Variants in CRACR2A observed in about 807,000 individuals in gnomAD.
The protein encoded by CRACR2A is EF-hand calcium-binding domain-containing protein 4B.
A neutral mutation model predicts 90.5 loss-of-function variants in CRACR2A; 79 were observed. The observed-to-expected ratio is 0.87, with a 90% CI of 0.73 to 1.05. The LOEUF (loss-of-function observed/expected upper bound fraction) is 1.05. Among genes scored for constraint, CRACR2A ranks in the 50% least tolerant of loss-of-function variants. CRACR2A has a pLI of 0.00. For missense variants in CRACR2A, 823 were observed against 897.2 expected, an observed-to-expected ratio of 0.92 and a Z score of 1.06; for synonymous variants, 338 against 356.7, an observed-to-expected ratio of 0.95 and a Z score of 0.59.
intron 3 of CRACR2A, among the ~76,000 whole-genome samples, chr12:3,709,094 G>C (rs571042038): frequency 6.6e-6 from 1 of 152,332 alleles, no homozygotes; most frequent in African/African-American, 2.4e-5. Flanking sequence ...TGACAATCTA[G>C]CAGGGGACAA....
intron 3 of CRACR2A, among the ~76,000 whole-genome samples, chr12:3,703,017 C>A (rs1035979593): frequency 1.3e-5 from 2 of 152,154 alleles, no homozygotes; most frequent in African/African-American, 4.8e-5. Context: ...GGCAAAGATG[C>A]AAGGCAATTC....
chr12:3,621,648 C>CAAAAAAAAAAAAAA lies in CRACR2A; in HGVS notation c.1933-2290_1933-2277dup, dbSNP rs557648607. On this transcript the variant is annotated intron_variant, in intron 17 of 19. Coordinates refer to ENST00000440314, the MANE Select transcript of CRACR2A (RefSeq NM_001144958.2). ...CCTCAGTGACAGAGAGAGACTCTGT[C>CAAAAAAAAAAAAAA]AAAAAAAAAAAAAAAAAAAAAAAAA... 3.4e-3 allele frequency among the ~76,000 whole-genome samples: 49 copies of CAAAAAAAAAAAAAA among 14,584 alleles called. 9 individuals carry two copies. Among genetic ancestry groups the CAAAAAAAAAAAAAA allele is most frequent in the African/African-American group, 6.1e-3 (23 of 3,772 alleles). 9.6% of individuals were successfully genotyped at this position (14,584 alleles called of 152,430 possible).
intron 7 of CRACR2A, among the ~76,000 whole-genome samples, chr12:3,660,716 A>G (rs985912292): frequency 2.6e-5 from 4 of 152,084 alleles, no homozygotes; most frequent in Admixed American, 1.3e-4. Context: ...CTGACCATGC[A>G]GTGAAAGACC....
rs186017789 is a variant in CRACR2A, at chr12:3,623,520, A to G, written c.1932+3916T>C. Among the ~76,000 whole-genome samples the G allele has an allele frequency of 3.8e-3, 578 of 152,252 alleles. 3 individuals are homozygous for G. Among genetic ancestry groups the G allele is most frequent in the Non-Finnish European group, 6.6e-3 (448 of 68,016 alleles). On this transcript the variant is annotated intron_variant, in intron 17 of 19. Transcript: ENST00000440314. ...CTAATTTCTATTTTCTCTACCCGAC[A>G]CAGGCCCCAGAGTCTTCTGATGTCC...
rs1388601220 is a variant in CRACR2A, at chr12:3,676,846, C to T, written c.524+2069G>A. Among the ~76,000 whole-genome samples, 3 of 152,216 alleles carry T rather than the reference C, an allele frequency of 2.0e-5. No homozygotes were observed. The East Asian group carries it at 5.8e-4, about 29-fold the overall frequency. ...TTGCCAGCCCAGGTCTGTCTGTCCA[C>T]ACCTGCCAGGTTCCTGATGGAGCCA... On this transcript the variant is annotated intron_variant, in intron 6 of 19. Coordinates refer to ENST00000440314, the MANE Select transcript of CRACR2A (RefSeq NM_001144958.2).
chr12:3,714,002 A>G (rs1272132518), intron 2 of CRACR2A, among the ~76,000 whole-genome samples: 3 of 152,204 alleles, frequency 2.0e-5, no homozygotes. Flanking sequence ...TAGTGATTAC[A>G]AAAAGGGGAT....
chr12:3,710,802 A>AAAAAG (rs1555118028), intron 3 of CRACR2A, among the ~76,000 whole-genome samples: 1 of 150,428 alleles, frequency 6.6e-6, no homozygotes, highest in African/African-American at 2.4e-5. Context: ...AAAAAAAAAA[A>AAAAAG]AAAGAAAGAA....
At chr12:3,687,203 A>C (rs1451751457) in intron 4 of CRACR2A, among the ~76,000 whole-genome samples, 3 of 146,174 alleles carry the variant, frequency 2.1e-5, no homozygotes, top group Non-Finnish European at 4.5e-5. Context: ...TTTTTTTTTT[A>C]ACTTTTAAGT....
chr12:3,724,303 C>A (rs1332167569), intron 2 of CRACR2A, among the ~76,000 whole-genome samples: 1 of 152,190 alleles, frequency 6.6e-6, no homozygotes, highest in Non-Finnish European at 1.5e-5. Flanking sequence ...TTGCACAAGC[C>A]CTCTCACACC....
intron 1 of CRACR2A, among the ~76,000 whole-genome samples, chr12:3,739,912 G>A (rs1424014560): frequency 1.4e-5 from 2 of 140,894 alleles, no homozygotes; most frequent in Admixed American, 7.2e-5. Flanking sequence ...CCAGCCTGGC[G>A]ACAGAGCGAC....
At chr12:3,628,826 A>G (rs1944326484) in intron 15 of CRACR2A, among the ~76,000 whole-genome samples, 2 of 152,196 alleles carry the variant, frequency 1.3e-5, no homozygotes, top group African/African-American at 4.8e-5. Flanking sequence ...AGAAGAGACC[A>G]AACAGATAAC....
intron 10 of CRACR2A, among the ~76,000 whole-genome samples, chr12:3,653,203 G>A (rs1045595247): frequency 2.6e-5 from 4 of 151,380 alleles, no homozygotes; most frequent in Non-Finnish European, 4.4e-5. Flanking sequence ...GGCTGGTCTT[G>A]AACTCCTGAC....
At chr12:3,622,842 A>G (rs1944174073) in intron 17 of CRACR2A, among the ~76,000 whole-genome samples, 1 of 152,218 alleles carries the variant, frequency 6.6e-6, no homozygotes, top group South Asian at 2.1e-4. Flanking sequence ...ATGAGTCAAA[A>G]CAAGATTTAT....
At chr12:3,739,443 T>C (rs746796731) in intron 1 of CRACR2A, among the ~76,000 whole-genome samples, 13 of 152,252 alleles carry the variant, frequency 8.5e-5, no homozygotes, top group Non-Finnish European at 5.9e-5. Flanking sequence ...TAATTTCTTA[T>C]CCCTTTTAAA....
Position 3,699,290 on chromosome 12 carries a change from C to A in CRACR2A, c.-36-2255G>T, listed in dbSNP as rs151191423. 3.3e-3 allele frequency among the ~76,000 whole-genome samples: 506 copies of A among 152,284 alleles called. 3 individuals carry two copies. The highest frequency in any genetic ancestry group is 2.5e-3 in the Non-Finnish European group (169 of 68,030). On this transcript the variant is annotated intron_variant, in intron 3 of 19. Transcript: ENST00000440314. ...CATTTTAACGGGAACGTCTTTAATT[C>A]ATTCATTCATTCATCCATTCATTTA... is the stretch of plus-strand genomic sequence containing the variant.
intron 2 of CRACR2A, among the ~76,000 whole-genome samples, chr12:3,717,921 T>A (rs1008804359): frequency 6.6e-6 from 1 of 152,174 alleles, no homozygotes; most frequent in African/African-American, 2.4e-5. Context: ...CAGGATCCTG[T>A]GCTCAGTTCC....
At chr12:3,692,778 TG>T in intron 4 of CRACR2A, among the ~76,000 whole-genome samples, 1 of 152,184 alleles carries the variant, frequency 6.6e-6, no homozygotes, top group South Asian at 2.1e-4. Context: ...CAGAGGCCCC[TG>T]TGGGCAACTG....
At chr12:3,648,339 T>A in intron 11 of CRACR2A, 1 of 1,474,698 alleles carries the variant, frequency 6.8e-7, no homozygotes, top group Non-Finnish European at 9.0e-7. Flanking sequence ...AAACTGGATG[T>A]GGGCGCATGT....
At chr12:3,694,954 T>C (rs1246041226) in intron 4 of CRACR2A, among the ~76,000 whole-genome samples, 2 of 152,144 alleles carry the variant, frequency 1.3e-5, no homozygotes, top group Non-Finnish European at 2.9e-5. Context: ...GGGAGGAAGG[T>C]TGAGTCAGTA....
Sources: allele counts gnomAD v4.1 joint callset (sites outside exome capture counted in the v4.1 genomes callset), GRCh38; gene constraint gnomAD v4.1.1; transcripts MANE v1.5; gene names NCBI Gene and HGNC (gene_info 2026-07-23, HGNC 2026-07-21).